DACH2: variants seen among roughly 807,000 people sequenced by gnomAD.
DACH2 encodes the protein dachshund family transcription factor 2, also known as dachshund homolog 2.
In DACH2, 17 loss-of-function variants were observed where a neutral mutation model predicts 35.8. The observed-to-expected ratio is 0.48, with a 90% CI of 0.33 to 0.71. The LOEUF is 0.71. DACH2 is among the 30% of genes least tolerant of loss of function. The pLI, the probability that DACH2 is intolerant of heterozygous loss-of-function variation, is 0.02. For synonymous variants in DACH2, 195 were observed against 177.3 expected (o/e 1.10, Z -0.79); for missense variants, 469 against 472.7 (o/e 0.99, Z 0.07).
At chrX:86,552,441 C>T (rs965981975) in intron 3 of DACH2, among the ~76,000 whole-genome samples, 1 of 111,854 alleles carries the variant, frequency 8.9e-6, no homozygotes, top group African/African-American at 3.2e-5. Flanking sequence ...CTATTCATTG[C>T]ATTAGGCATG....
chrX:86,342,252 C>A (rs1182845541), intron 1 of DACH2, among the ~76,000 whole-genome samples: 2 of 111,039 alleles, frequency 1.8e-5, no homozygotes, highest in Admixed American at 1.9e-4. Flanking sequence ...TATTCCAAGA[C>A]CTTTGTAAGT....
At chrX:86,514,803 C>T (rs2038444913) in intron 3 of DACH2, among the ~76,000 whole-genome samples, 1 of 111,072 alleles carries the variant, frequency 9.0e-6, no homozygotes, top group Non-Finnish European at 1.9e-5. Context: ...CAAGTTATTA[C>T]TCTAGGTTAA....
At chrX:86,640,199 G>C (rs2040328316) in intron 3 of DACH2, among the ~76,000 whole-genome samples, 1 of 111,085 alleles carries the variant, frequency 9.0e-6, no homozygotes, top group Non-Finnish European at 1.9e-5. Flanking sequence ...CCCCCCGCCA[G>C]AGCTGTTGAG....
chrX:86,604,267 T>C lies in DACH2; in HGVS notation c.641-46769T>C, dbSNP rs190621446. Reference sequence around the variant, plus strand: ...ATGTTTTATCTCTACTAGGTAGAGATATACTTAGTAAACCTCTTTCCAAAT... The same window carrying C: ...ATGTTTTATCTCTACTAGGTAGAGACATACTTAGTAAACCTCTTTCCAAAT... On this transcript the variant is annotated intron_variant, in intron 3 of 11. Coordinates refer to ENST00000373125, the MANE Select transcript of DACH2 (RefSeq NM_053281.3). 9.1e-4 allele frequency among the ~76,000 whole-genome samples: 101 copies of C among 111,494 alleles called. 2 individuals are homozygous for C. The highest frequency in any genetic ancestry group is 3.2e-3 in the African/African-American group (100 of 30,794).
At chrX:86,418,902 G>T (rs2036754130) in intron 2 of DACH2, among the ~76,000 whole-genome samples, 1 of 111,967 alleles carries the variant, frequency 8.9e-6, no homozygotes, top group African/African-American at 3.2e-5. Flanking sequence ...CCCCTTGAAT[G>T]CTTTGCTGCT....
At chrX:86,796,267 A>T (rs1416504315) in intron 7 of DACH2, among the ~76,000 whole-genome samples, 1 of 111,056 alleles carries the variant, frequency 9.0e-6, no homozygotes, top group East Asian at 2.9e-4. Context: ...TTACCTAGAC[A>T]CAAAGCGCTG....
intron 1 of DACH2, among the ~76,000 whole-genome samples, chrX:86,376,259 G>A (rs1027027627): frequency 9.2e-6 from 1 of 108,343 alleles, no homozygotes; most frequent in African/African-American, 3.4e-5. Context: ...ATAGTGATCT[G>A]TCGGAGATCA....
intron 2 of DACH2, among the ~76,000 whole-genome samples, chrX:86,402,648 A>G (rs1049974381): frequency 7.2e-5 from 8 of 111,874 alleles, no homozygotes; most frequent in African/African-American, 2.6e-4. Flanking sequence ...CAAGCTACCA[A>G]CATCATTTTT....
intron 3 of DACH2, among the ~76,000 whole-genome samples, chrX:86,630,776 C>T (rs992297356): frequency 2.7e-5 from 3 of 109,660 alleles, no homozygotes; most frequent in Non-Finnish European, 3.8e-5. Flanking sequence ...CTGCAACTTC[C>T]GCCTCCTGGG....
intron 7 of DACH2, among the ~76,000 whole-genome samples, chrX:86,751,405 A>G (rs2041771414): frequency 9.0e-6 from 1 of 111,323 alleles, no homozygotes; most frequent in Non-Finnish European, 1.9e-5. Context: ...CTAGTGTGAA[A>G]AAAAAATCAA....
intron 5 of DACH2, 119 bp from the exon 6 acceptor site, chrX:86,714,429 C>T: frequency 1.9e-6 from 1 of 516,768 alleles, no homozygotes; most frequent in Non-Finnish European, 3.0e-6. Flanking sequence ...CACAAGGAGA[C>T]ACTAAGATAT....
At chrX:86,433,667 G>C (rs2037021027) in intron 2 of DACH2, among the ~76,000 whole-genome samples, 1 of 111,370 alleles carries the variant, frequency 9.0e-6, no homozygotes, top group Non-Finnish European at 1.9e-5. Context: ...GGCTGTAATT[G>C]TGGTAAGGAA....
chrX:86,502,291 C>A (rs1053843838), intron 2 of DACH2, among the ~76,000 whole-genome samples: 4 of 111,422 alleles, frequency 3.6e-5, no homozygotes, highest in African/African-American at 1.3e-4. Context: ...GTGCTGTGCA[C>A]CTGCAGGAAA....
At chrX:86,400,000 T>C (rs372538598) in intron 2 of DACH2, among the ~76,000 whole-genome samples, 1 of 112,007 alleles carries the variant, frequency 8.9e-6, no homozygotes, top group Admixed American at 9.5e-5. Flanking sequence ...CCATTCTCCC[T>C]GTCACTTTCA....
At chrX:86,517,577 T>C (rs62594972) in intron 3 of DACH2, among the ~76,000 whole-genome samples, 12,744 of 109,181 alleles carry the variant, frequency 0.12, 885 homozygotes, top group African/African-American at 0.25. Context: ...CCACCACACC[T>C]GGCTAAATTT....
chrX:86,339,024 C>A (rs1266126264), intron 1 of DACH2, among the ~76,000 whole-genome samples: 2 of 111,556 alleles, frequency 1.8e-5, no homozygotes, highest in Non-Finnish European at 3.8e-5. Flanking sequence ...AGGAAGAAGT[C>A]AAATCCCTGA....
intron 3 of DACH2, among the ~76,000 whole-genome samples, chrX:86,648,484 G>A (rs931934674): frequency 2.7e-5 from 3 of 110,966 alleles, no homozygotes; most frequent in Non-Finnish European, 5.7e-5. Context: ...GAATTTAATT[G>A]AACAGTTGAA....
intron 1 of DACH2, among the ~76,000 whole-genome samples, chrX:86,242,092 G>A (rs2033177269): frequency 1.8e-5 from 2 of 112,725 alleles, no homozygotes; most frequent in African/African-American, 6.4e-5. Context: ...AGTCCCCAAT[G>A]GGGCACTGCC....
intron 1 of DACH2, among the ~76,000 whole-genome samples, chrX:86,168,583 C>CT (rs1030680290): frequency 8.7e-5 from 9 of 104,003 alleles, no homozygotes; most frequent in Admixed American, 5.1e-4. Context: ...GTTTTCTTGT[C>CT]TTTTTTTTCC....
Sources: gnomAD v4.1 joint callset for allele counts (sites outside exome capture counted in the v4.1 genomes callset) on GRCh38, gnomAD v4.1.1 for gene constraint, MANE v1.5 for transcripts, NCBI Gene and HGNC (gene_info 2026-07-23, HGNC 2026-07-21) for gene names.